Variants in THSD4 observed in about 807,000 individuals in gnomAD.
THSD4 encodes thrombospondin type-1 domain-containing protein 4.
In THSD4, 69 loss-of-function variants were observed where a neutral mutation model predicts 119.0. The observed-to-expected ratio is 0.58, with a 90% CI of 0.48 to 0.71. The LOEUF is 0.71. Ranked by LOEUF, THSD4 falls within the 30% of genes least tolerant of loss-of-function variation. THSD4 has a pLI of 0.00. For synonymous variants in THSD4, 524 were observed against 540.4 expected (o/e 0.97, Z 0.42); for missense variants, 1,393 against 1,391.1 (o/e 1.00, Z -0.02).
intron 8 of THSD4, among the ~76,000 whole-genome samples, chr15:71,676,275 C>T (rs1184364947): frequency 2.6e-5 from 4 of 152,056 alleles, no homozygotes; most frequent in Admixed American, 6.5e-5. Context: ...GCTATCACCA[C>T]GATCCATTTT....
chr15:71,161,910 ATTTC>A (rs1269231364), intron 3 of THSD4, among the ~76,000 whole-genome samples: 1 of 151,170 alleles, frequency 6.6e-6, no homozygotes, highest in Admixed American at 6.6e-5. Context: ...ATCTGTTGTA[ATTTC>A]TTTCTTTGTG....
rs10612672 is a variant in THSD4 at position 71,600,532 on chromosome 15, ATGAT to A, written c.1153-59995_1153-59992del. ...TCTAAATATCTGGAGTAGAAAAAGAATGATTGGGAATTATTAATCACACCCAACC... is the reference window on the plus strand; with the variant it reads ...TCTAAATATCTGGAGTAGAAAAAGAATGGGAATTATTAATCACACCCAACC... On this transcript the variant is annotated intron_variant, in intron 7 of 17. Coordinates refer to ENST00000261862, the MANE Select transcript of THSD4 (RefSeq NM_024817.3). Among the ~76,000 whole-genome samples the A allele has an allele frequency of 4.0e-3, 607 of 152,330 alleles. 1 individual carries two copies. The highest frequency in any genetic ancestry group is 0.013 in the African/African-American group (558 of 41,580).
At position 71,748,404 on chromosome 15, in the gene THSD4, AGT is replaced by A; in HGVS notation, c.2242-13_2242-12del. On this transcript the variant is annotated splice_polypyrimidine_tract_variant and intron_variant, in intron 13 of 17. Coordinates refer to ENST00000261862, the MANE Select transcript of THSD4 (RefSeq NM_024817.3). ...TGAAGCTGCTGGTTCCCCTGACGTC[AGT>A]GTGCTGTGTTTCAGTGCTCGGTGCC... The A allele has an allele frequency of 6.2e-7, 1 of 1,613,640 alleles. No individual in the cohort carries two copies. Among genetic ancestry groups the A allele is most frequent in the Middle Eastern group, 1.7e-4 (1 of 6,060 alleles).
intron 7 of THSD4, among the ~76,000 whole-genome samples, chr15:71,484,995 A>G (rs2047793167): frequency 6.6e-6 from 1 of 152,206 alleles, no homozygotes; most frequent in Non-Finnish European, 1.5e-5. Flanking sequence ...ATCTACAAAC[A>G]TTTAAACCAT....
chr15:71,271,440 G>T (rs1464103077), intron 6 of THSD4, among the ~76,000 whole-genome samples: 24 of 152,194 alleles, frequency 1.6e-4, no homozygotes, highest in Non-Finnish European at 1.5e-5. Context: ...TGTGGTGATA[G>T]AAATCAGAAC....
In THSD4 at chr15:71,332,892, ATTT is replaced by A; in HGVS notation, c.1015+76191_1015+76193del. 3.2e-4 allele frequency among the ~76,000 whole-genome samples: 25 copies of A among 77,006 alleles called. 1 individual carries two copies. The highest frequency in any genetic ancestry group is 8.5e-4 in the Admixed American group (4 of 4,682). The allele number at this position is 77,006 out of a possible 152,430, so 50.5% of individuals were successfully genotyped here. The stretch of plus-strand genomic sequence containing the variant: ...TCTTAAAACATTGAGATTTTTTTAC[ATTT>A]TTTTTTTTTTTTTAGTTCATCAGCT... On this transcript the variant is annotated intron_variant, in intron 6 of 17. Transcript: ENST00000261862.
intron 6 of THSD4, among the ~76,000 whole-genome samples, chr15:71,268,181 C>G (rs1335679902): frequency 6.6e-6 from 1 of 152,108 alleles, no homozygotes; most frequent in Non-Finnish European, 1.5e-5. Context: ...CACATCGGAC[C>G]TATTTTAAAG....
At chr15:71,397,657 CAG>C (rs1363592332) in intron 6 of THSD4, among the ~76,000 whole-genome samples, 1 of 152,166 alleles carries the variant, frequency 6.6e-6, no homozygotes, top group African/African-American at 2.4e-5. Context: ...AATATGTACT[CAG>C]AGGAAAGAAT....
At chr15:71,504,036 A>G (rs756194701) in intron 7 of THSD4, among the ~76,000 whole-genome samples, 9 of 152,224 alleles carry the variant, frequency 5.9e-5, no homozygotes, top group Non-Finnish European at 1.0e-4. Context: ...GGAGCATAGC[A>G]TGGTCCTAGC....
intron 8 of THSD4, among the ~76,000 whole-genome samples, chr15:71,703,692 C>T (rs2052337827): frequency 6.6e-6 from 1 of 152,150 alleles, no homozygotes; most frequent in African/African-American, 2.4e-5. Context: ...TCTACCACAG[C>T]CTGGGGTGGA....
At chr15:71,444,212 G>A (rs2047149222) in intron 7 of THSD4, among the ~76,000 whole-genome samples, 1 of 152,148 alleles carries the variant, frequency 6.6e-6, no homozygotes. Context: ...TGGACAAACT[G>A]GTAAGCTGGA....
intron 7 of THSD4, among the ~76,000 whole-genome samples, chr15:71,529,012 C>T (rs1324632702): frequency 2.0e-5 from 3 of 152,336 alleles, no homozygotes; most frequent in South Asian, 2.1e-4. Flanking sequence ...ATAGCTAGGC[C>T]GTATTTCCCA....
intron 6 of THSD4, among the ~76,000 whole-genome samples, chr15:71,324,475 T>C (rs12911182): frequency 0.15 from 22,110 of 152,124 alleles, 1,639 homozygotes; most frequent in Middle Eastern, 0.23. Context: ...CTCCCCATTT[T>C]GAGTCTCCAT....
intron 6 of THSD4, among the ~76,000 whole-genome samples, chr15:71,268,220 C>T (rs2044485577): frequency 6.6e-6 from 1 of 152,148 alleles, no homozygotes; most frequent in Non-Finnish European, 1.5e-5. Flanking sequence ...GTAAGGCACT[C>T]CTCAGCAAAT....
chr15:71,632,384 C>T (rs11072310), intron 7 of THSD4, among the ~76,000 whole-genome samples: 56,685 of 152,036 alleles, frequency 0.37, 11,706 homozygotes, highest in Non-Finnish European at 0.46. Flanking sequence ...TGACCTCTCT[C>T]CAGGTGTTAC....
intron 8 of THSD4, among the ~76,000 whole-genome samples, chr15:71,662,189 A>G (rs984392224): frequency 4.6e-5 from 7 of 152,182 alleles, no homozygotes; most frequent in African/African-American, 1.7e-4. Flanking sequence ...AGTTAACTCC[A>G]GACTCGGGAA....
chr15:71,222,055 G>C (rs1022109281), intron 4 of THSD4, among the ~76,000 whole-genome samples: 3 of 151,782 alleles, frequency 2.0e-5, no homozygotes, highest in East Asian at 1.9e-4. Flanking sequence ...TTGGAAAAAT[G>C]CCTGTTGGAA....
chr15:71,713,849 G>A (rs1416110992), intron 8 of THSD4, among the ~76,000 whole-genome samples: 1 of 152,152 alleles, frequency 6.6e-6, no homozygotes, highest in African/African-American at 2.4e-5. Flanking sequence ...TAGTTAAAAG[G>A]ATTTGTGGAT....
At chr15:71,273,264 G>A (rs991686224) in intron 6 of THSD4, among the ~76,000 whole-genome samples, 1 of 152,172 alleles carries the variant, frequency 6.6e-6, no homozygotes, top group Non-Finnish European at 1.5e-5. Context: ...CCTGGAGGGC[G>A]TTATGCTATG....
Sources: gnomAD v4.1 joint callset for allele counts (sites outside exome capture counted in the v4.1 genomes callset) on GRCh38, gnomAD v4.1.1 for gene constraint, MANE v1.5 for transcripts, NCBI Gene and HGNC (gene_info 2026-07-23, HGNC 2026-07-21) for gene names.